MCHR2: variants seen among roughly 807,000 people sequenced by gnomAD.
MCHR2 encodes melanin concentrating hormone receptor 2.
Under a neutral mutation model 24.8 loss-of-function variants are expected in MCHR2, and 15 were observed. The ratio of observed to expected loss-of-function variants is 0.60; its 90% confidence interval spans 0.40 to 0.93. MCHR2 has a LOEUF of 0.93. Ranked by LOEUF, MCHR2 falls within the 40% of genes least tolerant of loss-of-function variation. MCHR2 has a pLI of 0.00. For synonymous variants in MCHR2, 151 were observed against 147.6 expected (o/e 1.02, Z -0.17); for missense variants, 386 against 408.7 (o/e 0.94, Z 0.48).
At chr6:99,979,947 TG>T (rs1355647401) in intron 1 of MCHR2, among the ~76,000 whole-genome samples, 2 of 152,214 alleles carry the variant, frequency 1.3e-5, no homozygotes, top group African/African-American at 4.8e-5. Context: ...GTAAATGGCT[TG>T]GCACTTTGCT....
At chr6:99,958,313 T>C (rs1159726258) in intron 1 of MCHR2, among the ~76,000 whole-genome samples, 2 of 151,984 alleles carry the variant, frequency 1.3e-5, no homozygotes, top group Non-Finnish European at 2.9e-5. Flanking sequence ...TATATAAATA[T>C]ATATTATACA....
intron 1 of MCHR2, among the ~76,000 whole-genome samples, chr6:99,961,987 T>C (rs893014616): frequency 1.3e-5 from 2 of 152,192 alleles, no homozygotes; most frequent in African/African-American, 2.4e-5. Context: ...TTTTTTCTCA[T>C]GGTATATCAC....
rs1479057408 is a variant in MCHR2 at position 99,927,802 on chromosome 6, T to A, written c.708-6547A>T. Among the ~76,000 whole-genome samples the A allele has an allele frequency of 3.3e-5, 5 of 152,220 alleles. No homozygotes were observed. In the South Asian group the frequency reaches 6.2e-4, roughly 19 times the overall value. On this transcript the variant is annotated intron_variant, in intron 5 of 5. Transcript: ENST00000281806. ...TGCAAACAGGGACAATTTGACTTCC[T>A]CTTTTCCTAATTGAATACACTTTAT...
chr6:99,948,211 T>C (rs769128431), intron 2 of MCHR2, among the ~76,000 whole-genome samples: 4 of 152,182 alleles, frequency 2.6e-5, no homozygotes, highest in Admixed American at 6.5e-5. Context: ...TTCCTTTCAG[T>C]AGGTGGAGCC....
intron 1 of MCHR2, among the ~76,000 whole-genome samples, chr6:99,982,135 G>C (rs924396407): frequency 2.0e-5 from 3 of 151,964 alleles, no homozygotes; most frequent in Admixed American, 6.6e-5. Context: ...CCTCCTCACA[G>C]CTTCATTGCT....
intron 1 of MCHR2, among the ~76,000 whole-genome samples, chr6:99,991,808 C>CAAAAAAAAAAAAAAAAAA (rs3038469): frequency 9.5e-4 from 78 of 81,940 alleles, no homozygotes; most frequent in Non-Finnish European, 1.1e-3. Context: ...GACTCCGTCT[C>CAAAAAAAAAAAAAAAAAA]AAAAAAAAAA....
intron 1 of MCHR2, among the ~76,000 whole-genome samples, chr6:99,971,127 C>A (rs1775408431): frequency 1.3e-5 from 2 of 152,128 alleles, no homozygotes. Flanking sequence ...ATGGGGATGG[C>A]ATTGAATCTG....
intron 1 of MCHR2, among the ~76,000 whole-genome samples, chr6:99,978,779 T>TG (rs1421031532): frequency 6.6e-5 from 10 of 152,010 alleles, no homozygotes; most frequent in Non-Finnish European, 1.5e-4. Flanking sequence ...GATAGCATGT[T>TG]GGGGGTGGCT....
chr6:99,936,803 A>C (rs1467462122), intron 4 of MCHR2, among the ~76,000 whole-genome samples: 1 of 151,822 alleles, frequency 6.6e-6, no homozygotes, highest in Non-Finnish European at 1.5e-5. Context: ...TAACAATAGT[A>C]ATTCTTCCAA....
At chr6:99,922,106 A>ATTTTT (rs34099388) in intron 5 of MCHR2, among the ~76,000 whole-genome samples, 55 of 125,858 alleles carry the variant, frequency 4.4e-4, no homozygotes, top group Admixed American at 5.8e-4. Context: ...CCATTTGTCC[A>ATTTTT]TTTTTTTTTT....
At chr6:99,958,103 A>G (rs1251856043) in intron 1 of MCHR2, among the ~76,000 whole-genome samples, 1 of 151,728 alleles carries the variant, frequency 6.6e-6, no homozygotes, top group Non-Finnish European at 1.5e-5. Context: ...AAGATACAGT[A>G]ATCTACACAG....
At position 99,962,495 on chromosome 6, in the gene MCHR2, G is replaced by A. The variant is rs570012171; in HGVS notation, c.-27-6321C>T. Among the ~76,000 whole-genome samples the A allele has an allele frequency of 2.6e-5, 4 of 152,242 alleles. No homozygotes were observed. In the East Asian group the frequency reaches 7.7e-4, roughly 29 times the overall value. Reference sequence around the variant, plus strand: ...CAAGGGTGCCAAAGTATACAATTGAGGAGAGGATAGACTTTTCAACAAATG... The same window carrying A: ...CAAGGGTGCCAAAGTATACAATTGAAGAGAGGATAGACTTTTCAACAAATG... On this transcript the variant is annotated intron_variant, in intron 1 of 5. Coordinates refer to ENST00000281806, the MANE Select transcript of MCHR2 (RefSeq NM_001040179.2).
chr6:99,971,023 T>C (rs567779484), intron 1 of MCHR2, among the ~76,000 whole-genome samples: 2 of 152,320 alleles, frequency 1.3e-5, no homozygotes, highest in East Asian at 3.9e-4. Context: ...TCTTTTGGCT[T>C]AGGATTGACT....
Position 99,921,192 on chromosome 6 carries a change from C to T in MCHR2, c.771G>A (p.Val257=), listed in dbSNP as rs761556249. The T allele has an allele frequency of 3.7e-6, 6 of 1,614,124 alleles. 1 individual carries two copies. In the South Asian group the frequency reaches 6.6e-5, roughly 18 times the overall value. Residue 257 remains valine, a synonymous_variant, in exon 6 of 6, where the codon GTG becomes GTA. Transcript: ENST00000281806. ...GGGCAGCACTCAGGATAAAGACTAC[C>T]ACCAGCACCAGCACCATCTTTGTCA... ...MKLTKMVLVL[V]VVFILSAAPY...
At chr6:99,986,286 AG>A (rs1775766585) in intron 1 of MCHR2, among the ~76,000 whole-genome samples, 1 of 152,200 alleles carries the variant, frequency 6.6e-6, no homozygotes, top group African/African-American at 2.4e-5. Context: ...AAGTAAAAAA[AG>A]AACTACGCTT....
intron 1 of MCHR2, among the ~76,000 whole-genome samples, chr6:99,975,477 C>T (rs1460711735): frequency 8.5e-5 from 13 of 152,220 alleles, no homozygotes. Context: ...TCTGTCACCC[C>T]TTTCTTTGAC....
At chr6:99,951,288 C>T (rs1229249091) in intron 2 of MCHR2, among the ~76,000 whole-genome samples, 1 of 152,078 alleles carries the variant, frequency 6.6e-6, no homozygotes, top group Non-Finnish European at 1.5e-5. Context: ...GTAGTCATTT[C>T]CTGAAGCACT....
chr6:99,977,463 T>C, intron 1 of MCHR2, among the ~76,000 whole-genome samples: 1 of 152,200 alleles, frequency 6.6e-6, no homozygotes, highest in Non-Finnish European at 1.5e-5. Context: ...CACAGGAGTT[T>C]TGATACCATA....
intron 1 of MCHR2, among the ~76,000 whole-genome samples, chr6:99,986,373 T>C (rs557291615): frequency 6.6e-6 from 1 of 152,318 alleles, no homozygotes; most frequent in African/African-American, 2.4e-5. Flanking sequence ...TACACTTGTA[T>C]GTTTATCTAA....
Sources: allele counts gnomAD v4.1 joint callset (sites outside exome capture counted in the v4.1 genomes callset), GRCh38; gene constraint gnomAD v4.1.1; transcripts MANE v1.5; gene names NCBI Gene and HGNC (gene_info 2026-07-23, HGNC 2026-07-21).